Variants in WDR89 observed in about 807,000 individuals in gnomAD.
The protein encoded by WDR89 is WD repeat domain 89, also known as WD repeat-containing protein 89.
Under a neutral mutation model 29.1 loss-of-function variants are expected in WDR89, and 17 were observed. The ratio of observed to expected loss-of-function variants is 0.58; its 90% CI spans 0.40 to 0.88. The LOEUF (loss-of-function observed/expected upper bound fraction) is 0.88, where lower values mean the gene tolerates loss of function less well. WDR89 is among the 40% of genes least tolerant of loss of function. WDR89 has a pLI of 0.00. For missense variants in WDR89, 396 were observed against 456.3 expected (o/e 0.87, Z 1.20); for synonymous variants, 138 against 157.8 (o/e 0.87, Z 0.94).
At position 63,627,123 on chromosome 14, in the gene WDR89, AACACAC is replaced by A. The variant is rs756971522; in HGVS notation, c.-137-2096_-137-2091del. Among the ~76,000 whole-genome samples the A allele has an allele frequency of 1.9e-3, 231 of 122,882 alleles. 1 individual carries two copies. The highest frequency in any genetic ancestry group is 6.0e-3 in the African/African-American group (204 of 33,842). The allele number at this position is 122,882 out of a possible 152,430, so 80.6% of individuals were successfully genotyped here. On this transcript the variant is annotated intron_variant, in intron 1 of 2. Transcript: ENST00000620954. ...GTGACAGAATAAGACTTTGTCTCTA[AACACAC>A]ACACACACACACACACACACACTCT...
Position 63,623,631 on chromosome 14 carries a change from G to A in WDR89, c.-32+1297C>T, listed in dbSNP as rs548993856. 2.0e-5 allele frequency among the ~76,000 whole-genome samples: 3 copies of A among 147,608 alleles called. No individual in the cohort carries two copies. In the South Asian group the frequency reaches 6.4e-4, roughly 32 times the overall value. On this transcript the variant is annotated intron_variant, in intron 2 of 2. Coordinates refer to ENST00000620954, the MANE Select transcript of WDR89 (RefSeq NM_080666.4). ...GGGCAGGAGAATCTCTTGAACCCAG[G>A]AGGCGGAGGTTGCAGTGAGCTGAGC...
intron 1 of WDR89, among the ~76,000 whole-genome samples, chr14:63,626,403 C>T (rs571665489): frequency 6.6e-6 from 1 of 151,976 alleles, no homozygotes; most frequent in Admixed American, 6.6e-5. Flanking sequence ...GGGCGTGGTG[C>T]CTAATGCCTG....
intron 2 of WDR89, among the ~76,000 whole-genome samples, chr14:63,602,007 A>G (rs550626543): frequency 2.0e-5 from 3 of 152,314 alleles, no homozygotes; most frequent in Admixed American, 2.0e-4. Context: ...TAACAAATTC[A>G]TTTTCATTCT....
intron 2 of WDR89, among the ~76,000 whole-genome samples, chr14:63,610,702 C>CTTTTTTTTTTTT (rs1009799974): frequency 1.5e-5 from 2 of 129,146 alleles, no homozygotes; most frequent in African/African-American, 2.9e-5. Context: ...CTTTTCTTTT[C>CTTTTTTTTTTTT]TTTTTTTTTT....
At chr14:63,632,727 A>C (rs1046648006) in intron 1 of WDR89, among the ~76,000 whole-genome samples, 1 of 152,226 alleles carries the variant, frequency 6.6e-6, no homozygotes, top group African/African-American at 2.4e-5. Context: ...GATGGCAAGC[A>C]GCAGGCCAAG....
At chr14:63,601,373 A>T in intron 2 of WDR89, 1 of 595,600 alleles carries the variant, frequency 1.7e-6, no homozygotes, top group Non-Finnish European at 3.0e-6. Context: ...TGTGCTCTAA[A>T]CCACCATACT....
chr14:63,606,498 G>C (rs1895330188), intron 2 of WDR89, among the ~76,000 whole-genome samples: 2 of 152,070 alleles, frequency 1.3e-5, no homozygotes, highest in African/African-American at 4.8e-5. Context: ...TTTATGTTTA[G>C]ATCTACAAGT....
intron 2 of WDR89, among the ~76,000 whole-genome samples, chr14:63,604,359 G>A (rs1895215682): frequency 6.6e-6 from 1 of 152,104 alleles, no homozygotes; most frequent in Non-Finnish European, 1.5e-5. Flanking sequence ...GTTGCAATGA[G>A]CCAAGATCAT....
chr14:63,634,672 C>A (rs907522577), intron 1 of WDR89, among the ~76,000 whole-genome samples: 1 of 151,962 alleles, frequency 6.6e-6, no homozygotes, highest in Non-Finnish European at 1.5e-5. Context: ...GAGTTTGAGA[C>A]CAGCCTGGTC....
chr14:63,623,805 G>T (rs923733305), intron 2 of WDR89, among the ~76,000 whole-genome samples: 1 of 151,764 alleles, frequency 6.6e-6, no homozygotes, highest in Non-Finnish European at 1.5e-5. Context: ...TTGTCAGGAT[G>T]GGGGTGGTGG....
intron 1 of WDR89, among the ~76,000 whole-genome samples, chr14:63,627,150 A>ACTCTCTCTCTCTCTCTCT (rs35230660): frequency 7.9e-6 from 1 of 127,188 alleles, no homozygotes; most frequent in African/African-American, 3.2e-5. Flanking sequence ...ACACACACAC[A>ACTCTCTCTCTCTCTCTCT]CTCTCTCTCT....
chr14:63,626,026 G>GT (rs1296718281), intron 1 of WDR89, among the ~76,000 whole-genome samples: 1 of 151,854 alleles, frequency 6.6e-6, no homozygotes, highest in Non-Finnish European at 1.5e-5. Context: ...GCTAATTTTT[G>GT]TATCTTTAGT....
At chr14:63,601,933 GA>G (rs966081352) in intron 2 of WDR89, 10 of 433,176 alleles carry the variant, frequency 2.3e-5, no homozygotes, top group Admixed American at 1.1e-4. Flanking sequence ...AATAACTAAT[GA>G]AAAAAATAAA....
At chr14:63,614,542 GTTA>G (rs1194173855) in intron 2 of WDR89, among the ~76,000 whole-genome samples, 2 of 151,948 alleles carry the variant, frequency 1.3e-5, no homozygotes, top group Non-Finnish European at 1.5e-5. Context: ...TAACAATCTG[GTTA>G]TTAACATTTC....
intron 2 of WDR89, among the ~76,000 whole-genome samples, chr14:63,615,119 T>C (rs1305567413): frequency 6.6e-6 from 1 of 152,194 alleles, no homozygotes; most frequent in African/African-American, 2.4e-5. Flanking sequence ...GATATAACAT[T>C]CAAAGCATCT....
At chr14:63,627,144 ACACACACTCTCT>A (rs1322679571) in intron 1 of WDR89, among the ~76,000 whole-genome samples, 1 of 131,466 alleles carries the variant, frequency 7.6e-6, no homozygotes, top group Admixed American at 7.9e-5. Flanking sequence ...ACACACACAC[ACACACACTCTCT>A]CTCTCTCTCT....
At chr14:63,634,254 G>A (rs1208992417) in intron 1 of WDR89, among the ~76,000 whole-genome samples, 1 of 152,160 alleles carries the variant, frequency 6.6e-6, no homozygotes, top group East Asian at 1.9e-4. Flanking sequence ...AGGTGTGGTG[G>A]CTCACACTTG....
chr14:63,627,150 A>ACACACACTCT (rs1433982075), intron 1 of WDR89, among the ~76,000 whole-genome samples: 2 of 127,268 alleles, frequency 1.6e-5, no homozygotes, highest in African/African-American at 6.4e-5. Context: ...ACACACACAC[A>ACACACACTCT]CTCTCTCTCT....
intron 2 of WDR89, among the ~76,000 whole-genome samples, chr14:63,603,265 C>T (rs1055928330): frequency 6.7e-6 from 1 of 149,544 alleles, no homozygotes; most frequent in Non-Finnish European, 1.5e-5. Context: ...TCTCTCTCTA[C>T]ACACACACAC....
Sources: gnomAD v4.1 joint callset for allele counts (sites outside exome capture counted in the v4.1 genomes callset) on GRCh38, gnomAD v4.1.1 for gene constraint, MANE v1.5 for transcripts, NCBI Gene and HGNC (gene_info 2026-07-23, HGNC 2026-07-21) for gene names.